Variants in FAM47E observed in about 807,000 individuals in gnomAD.
The protein encoded by FAM47E is protein FAM47E.
FAM47E carries 32 observed loss-of-function variants against 41.6 expected under a neutral mutation model. The ratio of observed to expected loss-of-function variants is 0.77; its 90% confidence interval spans 0.58 to 1.03. The LOEUF (loss-of-function observed/expected upper bound fraction) is 1.03, where lower values mean the gene tolerates loss of function less well. FAM47E is among the 50% of genes least tolerant of loss of function. FAM47E has a pLI of 0.00. For synonymous variants in FAM47E, 184 were observed against 188.7 expected (o/e 0.98, Z 0.20); for missense variants, 424 against 485.4 (o/e 0.87, Z 1.19).
intron 6 of FAM47E, 136 bp downstream of exon 6, chr4:76,278,360 C>G: frequency 2.1e-6 from 2 of 960,998 alleles, no homozygotes; most frequent in Non-Finnish European, 2.8e-6. Context: ...TTGAATTCAG[C>G]AAGGAGAAAG....
chr4:76,243,380 GT>G (rs1733751359), intron 2 of FAM47E, among the ~76,000 whole-genome samples: 1 of 152,122 alleles, frequency 6.6e-6, no homozygotes, highest in African/African-American at 2.4e-5. Context: ...GCTTTATCTA[GT>G]ACCTGATACT....
upstream of FAM47E, among the ~76,000 whole-genome samples, chr4:76,248,467 T>C (rs1733879622): frequency 6.6e-6 from 1 of 152,110 alleles, no homozygotes; most frequent in Non-Finnish European, 1.5e-5. Context: ...CTTCATTATT[T>C]TGCATGTAGG....
At chr4:76,252,647 G>C (rs908890449) in intron 1 of FAM47E, among the ~76,000 whole-genome samples, 5 of 152,134 alleles carry the variant, frequency 3.3e-5, no homozygotes, top group African/African-American at 1.2e-4. Flanking sequence ...AGAACGTATC[G>C]TGTACATGTT....
intron 4 of FAM47E, 169 bp downstream of exon 4, chr4:76,268,937 T>C (rs909938029): frequency 5.0e-6 from 4 of 793,428 alleles, no homozygotes; most frequent in Middle Eastern, 3.8e-4. Context: ...CATTTTCTTC[T>C]ATTATGTATA....
At chr4:76,222,280 G>A (rs1459051387) in intron 2 of FAM47E, among the ~76,000 whole-genome samples, 1 of 151,048 alleles carries the variant, frequency 6.6e-6, no homozygotes, top group African/African-American at 2.4e-5. Context: ...AGGCTGGAGT[G>A]CAGTGGTGTG....
At chr4:76,244,533 CTTTTTTT>C (rs71212407) in intron 2 of FAM47E, among the ~76,000 whole-genome samples, 16 of 66,080 alleles carry the variant, frequency 2.4e-4, no homozygotes, top group Admixed American at 1.1e-3. Context: ...AGGCATTCTT[CTTTTTTT>C]TTTTTTTTTT....
At chr4:76,264,532 T>C (rs1055399316) in intron 3 of FAM47E, among the ~76,000 whole-genome samples, 4 of 152,124 alleles carry the variant, frequency 2.6e-5, no homozygotes, top group African/African-American at 9.7e-5. Flanking sequence ...TAATATTTAA[T>C]TAAATAACAT....
At chr4:76,279,996 A>G (rs891085189) in intron 6 of FAM47E, 9 of 313,600 alleles carry the variant, frequency 2.9e-5, no homozygotes, top group Non-Finnish European at 4.8e-5. Flanking sequence ...TCCAGACATC[A>G]TAGGTCAATA....
chr4:76,258,529 G>C (rs1054505174), intron 2 of FAM47E, among the ~76,000 whole-genome samples: 2 of 152,222 alleles, frequency 1.3e-5, no homozygotes, highest in Non-Finnish European at 2.9e-5. Flanking sequence ...ACTCAGTGGG[G>C]CATTTGGGGA....
intron 1 of FAM47E, among the ~76,000 whole-genome samples, chr4:76,215,432 T>G (rs1315727104): frequency 2.6e-5 from 4 of 152,214 alleles, no homozygotes; most frequent in Non-Finnish European, 4.4e-5. Flanking sequence ...AATGAGAATC[T>G]GAGGACAGCA....
At chr4:76,248,365 T>C (rs939385613), upstream of FAM47E, among the ~76,000 whole-genome samples, 2 of 152,160 alleles carry the variant, frequency 1.3e-5, no homozygotes, top group Non-Finnish European at 2.9e-5. Context: ...TTTGTCCCTA[T>C]GTTTTATTCT....
chr4:76,283,333 G>A lies in FAM47E; in HGVS notation c.1105-48G>A, dbSNP rs182706144. On this transcript the variant is annotated intron_variant, in intron 7 of 7. Transcript: ENST00000424749. ...GTGGTTGTGGGGAGGACTGTACTGT[G>A]CAAGTTTTGTTTGCCAATCTAATGA... 6.2e-5 allele frequency: 71 copies of A among 1,145,762 alleles called. No individual in the cohort carries two copies. The East Asian group carries it at 1.3e-3, about 21-fold the overall frequency. The allele number at this position is 1,145,762 out of a possible 1,614,324, so 71.0% of individuals were successfully genotyped here. A position where few individuals can be genotyped will look rare whatever the true frequency, so the allele number is the denominator to read the frequency against.
At chr4:76,217,616 G>T in exon 2 of FAM47E, 1 of 623,548 alleles carries the variant, frequency 1.6e-6, no homozygotes. Flanking sequence ...CAATGCAGAT[G>T]TCTGTGCCGT....
At chr4:76,227,250 T>A (rs1341279472) in intron 2 of FAM47E, among the ~76,000 whole-genome samples, 1 of 152,240 alleles carries the variant, frequency 6.6e-6, no homozygotes, top group South Asian at 2.1e-4. Flanking sequence ...AAGAATTTTT[T>A]AAATTTCCAT....
chr4:76,279,246 G>T (rs1365528308), intron 6 of FAM47E: 3 of 152,096 alleles, frequency 2.0e-5, no homozygotes, highest in Non-Finnish European at 2.9e-5. Context: ...ATAACATAAA[G>T]CTATTCCAGT....
At chr4:76,224,637 A>G (rs1378174936) in intron 2 of FAM47E, among the ~76,000 whole-genome samples, 1 of 152,190 alleles carries the variant, frequency 6.6e-6, no homozygotes, top group Non-Finnish European at 1.5e-5. Context: ...ATTTTGGTTC[A>G]CTGCAACCTC....
Position 76,280,495 on chromosome 4 carries a change from G to C in FAM47E, c.1104+154G>C, listed in dbSNP as rs1420355161. 4.5e-5 allele frequency: 24 copies of C among 532,608 alleles called. 1 individual carries two copies. In the Admixed American group the frequency reaches 8.2e-4, roughly 18 times the overall value. The allele number at this position is 532,608 out of a possible 1,614,324, so 33.0% of individuals were successfully genotyped here. A position where few individuals can be genotyped will look rare whatever the true frequency, so the allele number is the denominator to read the frequency against. ...GGAAGAAAGGGCATGCTTCTCCCCA[G>C]ACGGGGACTCAGAGATAGGATATGG... On this transcript the variant is annotated intron_variant, in intron 7 of 7. Coordinates refer to ENST00000424749, the MANE Select transcript of FAM47E (RefSeq NM_001136570.3).
rs1447336693 is a variant in FAM47E at position 76,271,645 on chromosome 4, G to A, written c.747G>A (p.Ala249=). The A allele has an allele frequency of 2.1e-5, 33 of 1,552,078 alleles. No individual in the cohort carries two copies. The highest frequency in any genetic ancestry group is 2.4e-5 in the East Asian group (1 of 40,942). ...ATGAGACCAAACCAAGCCATGATGCGCTCCACACGATGAAGCTAAATCAGG... is the reference window on the plus strand; with the variant it reads ...ATGAGACCAAACCAAGCCATGATGCACTCCACACGATGAAGCTAAATCAGG... The part of the protein sequence containing the change: ...IDYETKPSHD[A]LHTMKLNQVP... Residue 249 remains alanine (A), a synonymous_variant, in exon 5 of 8, where the codon GCG becomes GCA. Coordinates refer to ENST00000424749, the MANE Select transcript of FAM47E (RefSeq NM_001136570.3).
chr4:76,223,828 C>T (rs1052378720), intron 2 of FAM47E, among the ~76,000 whole-genome samples: 1 of 151,266 alleles, frequency 6.6e-6, no homozygotes, highest in Non-Finnish European at 1.5e-5. Flanking sequence ...AGGAGAGTGT[C>T]CCTGGCCTGC....
Sources: gnomAD v4.1 joint callset for allele counts (sites outside exome capture counted in the v4.1 genomes callset) on GRCh38, gnomAD v4.1.1 for gene constraint, MANE v1.5 for transcripts, NCBI Gene and HGNC (gene_info 2026-07-23, HGNC 2026-07-21) for gene names.